Variants in ACER3 observed in about 807,000 individuals in gnomAD.
ACER3 encodes the protein alkCDase 3.
ACER3 carries 16 observed loss-of-function variants against 48.9 expected under a neutral mutation model. The observed-to-expected ratio is 0.33, with a 90% CI of 0.22 to 0.50. ACER3 has a LOEUF of 0.50. ACER3 is among the 20% of genes least tolerant of loss of function. The pLI is 0.98. For synonymous variants in ACER3, 109 were observed against 107.8 expected (o/e 1.01, Z -0.07); for missense variants, 227 against 326.0 (o/e 0.70, Z 2.34).
At chr11:76,922,789 C>T (rs1032630232) in intron 1 of ACER3, among the ~76,000 whole-genome samples, 8 of 152,000 alleles carry the variant, frequency 5.3e-5, no homozygotes, top group Admixed American at 5.2e-4. Flanking sequence ...CCCGCTTTTA[C>T]TGTTTATTTT....
At chr11:76,862,651 T>G (rs971868876) in intron 1 of ACER3, among the ~76,000 whole-genome samples, 1 of 152,216 alleles carries the variant, frequency 6.6e-6, no homozygotes, top group Non-Finnish European at 1.5e-5. Flanking sequence ...AGAATAATTT[T>G]TTTTTAATTT....
intron 1 of ACER3, among the ~76,000 whole-genome samples, chr11:76,904,115 T>G (rs530561913): frequency 9.9e-4 from 151 of 152,256 alleles, no homozygotes; most frequent in Non-Finnish European, 1.9e-3. Context: ...GTCTCCCAAG[T>G]AGCTAGGATT....
At chr11:76,865,555 C>T (rs75332230) in intron 1 of ACER3, among the ~76,000 whole-genome samples, 1 of 151,428 alleles carries the variant, frequency 6.6e-6, no homozygotes, top group Non-Finnish European at 1.5e-5. Context: ...GTCACCCAGG[C>T]TGGAGTGCAG....
chr11:76,887,444 G>A (rs184028768), intron 1 of ACER3, among the ~76,000 whole-genome samples: 175 of 152,142 alleles, frequency 1.2e-3, no homozygotes, highest in African/African-American at 4.1e-3. Context: ...TGCATTAGAT[G>A]GATCAAGAAA....
intron 1 of ACER3, among the ~76,000 whole-genome samples, chr11:76,895,128 C>T (rs1432728297): frequency 6.6e-6 from 1 of 151,848 alleles, no homozygotes; most frequent in Non-Finnish European, 1.5e-5. Flanking sequence ...TAATTTTTAC[C>T]CAGTTGCCTC....
At chr11:76,979,989 T>C (rs1948547123) in intron 4 of ACER3, among the ~76,000 whole-genome samples, 1 of 151,492 alleles carries the variant, frequency 6.6e-6, no homozygotes, top group South Asian at 2.1e-4. Context: ...AATTACAAAA[T>C]TAGCCAGGCA....
At chr11:76,972,426 T>A (rs1004002368) in intron 3 of ACER3, among the ~76,000 whole-genome samples, 6 of 152,358 alleles carry the variant, frequency 3.9e-5, no homozygotes, top group Admixed American at 6.5e-5. Flanking sequence ...TGCCTATTTT[T>A]AAAATAGCCA....
chr11:76,980,737 A>G (rs1382631170), intron 4 of ACER3, among the ~76,000 whole-genome samples: 2 of 152,198 alleles, frequency 1.3e-5, no homozygotes, highest in African/African-American at 4.8e-5. Context: ...TATTACTTAG[A>G]AGGATACTGA....
intron 2 of ACER3, among the ~76,000 whole-genome samples, chr11:76,949,924 C>G (rs1947594405): frequency 6.6e-6 from 1 of 152,116 alleles, no homozygotes; most frequent in African/African-American, 2.4e-5. Flanking sequence ...CACATATACC[C>G]AACAGTTTAG....
At chr11:76,918,373 C>T (rs959074357) in intron 1 of ACER3, among the ~76,000 whole-genome samples, 4 of 151,680 alleles carry the variant, frequency 2.6e-5, no homozygotes, top group Non-Finnish European at 5.9e-5. Context: ...TTAAGCTTAG[C>T]GTGAACCAGT....
chr11:76,868,270 A>T (rs1945146151), intron 1 of ACER3: 1 of 1,284,270 alleles, frequency 7.8e-7, no homozygotes. Flanking sequence ...ATTGACAGGC[A>T]AGCAGCACTG....
At chr11:77,012,021 T>C (rs182994094) in intron 7 of ACER3, among the ~76,000 whole-genome samples, 54 of 152,188 alleles carry the variant, frequency 3.5e-4, no homozygotes, top group African/African-American at 1.2e-3. Context: ...AACTAGAATA[T>C]ATAATTACTT....
rs28437370 is a variant in ACER3 at position 76,933,276 on chromosome 11, A to T, written c.214+6609A>T. On this transcript the variant is annotated intron_variant, in intron 2 of 10. Coordinates refer to ENST00000532485, the MANE Select transcript of ACER3 (RefSeq NM_018367.7). ...TTTTTAGCACATACTTATAATTTTT[A>T]TTTTTTTTATTTTTTTATTTTTTTT... is the stretch of plus-strand genomic sequence containing the variant. Among the ~76,000 whole-genome samples, 34 of 124,982 alleles carry T rather than the reference A, an allele frequency of 2.7e-4. No individual in the cohort carries two copies. In the East Asian group the frequency reaches 6.7e-3, roughly 25 times the overall value. The allele number at this position is 124,982 out of a possible 152,430, so 82.0% of individuals were successfully genotyped here. A position where few individuals can be genotyped will look rare whatever the true frequency, so the allele number is the denominator to read the frequency against.
At chr11:76,920,136 A>G (rs191948795) in intron 1 of ACER3, among the ~76,000 whole-genome samples, 2 of 152,254 alleles carry the variant, frequency 1.3e-5, no homozygotes, top group East Asian at 1.9e-4. Context: ...TTGCAGTCCA[A>G]GTGGCTTAAT....
At chr11:76,885,719 G>A (rs1945654669) in intron 1 of ACER3, among the ~76,000 whole-genome samples, 1 of 152,146 alleles carries the variant, frequency 6.6e-6, no homozygotes, top group African/African-American at 2.4e-5. Flanking sequence ...AATTTGGGTA[G>A]GGGAATAGTA....
At chr11:76,994,238 T>G in intron 6 of ACER3, 1 of 452,798 alleles carries the variant, frequency 2.2e-6, no homozygotes, top group Non-Finnish European at 4.4e-6. Flanking sequence ...TTCGTTATTC[T>G]TATGCCTCAG....
At chr11:76,975,078 T>C (rs1181634536) in intron 3 of ACER3, among the ~76,000 whole-genome samples, 1 of 152,226 alleles carries the variant, frequency 6.6e-6, no homozygotes, top group East Asian at 1.9e-4. Context: ...TTACATAAGC[T>C]CTCTTCCTAC....
Position 77,005,993 on chromosome 11 carries a change from T to TA in ACER3, c.497+7172_497+7173insA, listed in dbSNP as rs1565224912. Among the ~76,000 whole-genome samples, 704 of 87,708 alleles carry TA rather than the reference T, an allele frequency of 8.0e-3. 7 individuals are homozygous for TA. Among genetic ancestry groups the TA allele is most frequent in the African/African-American group, 0.034 (629 of 18,578 alleles). The allele number at this position is 87,708 out of a possible 152,430, so 57.5% of individuals were successfully genotyped here. ...TATACATATATATATATATATATAT[T>TA]TTTTTTTTTTTTTGAGCCAGAGTTT... On this transcript the variant is annotated intron_variant, in intron 7 of 10. Transcript: ENST00000532485.
Position 77,015,079 on chromosome 11 carries a change from A to G in ACER3, c.561A>G (p.Leu187=), listed in dbSNP as rs1555023009. 6.3e-7 allele frequency: 1 copy of G among 1,587,096 alleles called. No homozygotes were observed. Residue 187 remains leucine, a synonymous_variant, in exon 8 of 11, where the codon TTA becomes TTG. Transcript: ENST00000532485. ...TGGGTATATTTTTATTGGGATTTTT[A>G]TTTTGGAATATAGATAACATATTTT... ...TSLGIFLLGF[L]FWNIDNIFCE...
Sources: allele counts gnomAD v4.1 joint callset (sites outside exome capture counted in the v4.1 genomes callset), GRCh38; gene constraint gnomAD v4.1.1; transcripts MANE v1.5; gene names NCBI Gene and HGNC (gene_info 2026-07-23, HGNC 2026-07-21).